The following ZC3H6 variants were observed in gnomAD, a reference collection of about 807,000 sequenced individuals.
ZC3H6 encodes the protein zinc finger CCCH-type containing 6.
ZC3H6 carries 40 observed loss-of-function variants against 107.7 expected under a neutral mutation model. The observed-to-expected ratio is 0.37, with a 90% CI of 0.29 to 0.48. The LOEUF (loss-of-function observed/expected upper bound fraction) is 0.48, where lower values mean the gene tolerates loss of function less well. Ranked by LOEUF, ZC3H6 falls within the 20% of genes least tolerant of loss-of-function variation. ZC3H6 has a pLI of 0.98. For missense variants in ZC3H6, 1,267 were observed against 1,410.4 expected, an observed-to-expected ratio of 0.90 and a Z score of 1.63; for synonymous variants, 493 against 487.9, an observed-to-expected ratio of 1.01 and a Z score of -0.14.
rs535792043 is a variant in ZC3H6 at position 112,306,616 on chromosome 2, T to A, written c.336+3265T>A. On this transcript the variant is annotated intron_variant, in intron 3 of 11. Coordinates refer to ENST00000409871, the MANE Select transcript of ZC3H6 (RefSeq NM_198581.3). ...AAATAACTTTAGGCCTAGGATGATG[T>A]TCTTTTCCTTCAGAAAGGATTTTTA... 2.6e-5 allele frequency among the ~76,000 whole-genome samples: 4 copies of A among 152,354 alleles called. No homozygotes were observed. In the East Asian group the frequency reaches 5.8e-4, roughly 22 times the overall value.
intron 1 of ZC3H6, among the ~76,000 whole-genome samples, chr2:112,289,384 G>C (rs1676049827): frequency 1.3e-5 from 2 of 150,000 alleles, no homozygotes; most frequent in Admixed American, 6.7e-5. Flanking sequence ...GAGTGCAGTG[G>C]CGCGATCTTG....
At position 112,275,932 on chromosome 2, in the gene ZC3H6, C is replaced by G; in HGVS notation, c.-63C>G. ...CGCAGGCGGCGCGGGGGGTCTTCCC[C>G]GCGCCCCGCCGCCGCCGGCCTCGCA... On this transcript the variant is annotated 5_prime_UTR_variant, in exon 1 of 12. Coordinates refer to ENST00000409871, the MANE Select transcript of ZC3H6 (RefSeq NM_198581.3). The G allele has an allele frequency of 1.4e-6, 2 of 1,469,834 alleles. No individual in the cohort carries two copies. Among genetic ancestry groups the G allele is most frequent in the African/African-American group, 1.5e-5 (1 of 67,992 alleles). 91.0% of individuals were successfully genotyped at this position (1,469,834 alleles called of 1,614,324 possible).
intron 5 of ZC3H6, among the ~76,000 whole-genome samples, chr2:112,313,349 G>T (rs1676627362): frequency 6.6e-6 from 1 of 152,146 alleles, no homozygotes; most frequent in Non-Finnish European, 1.5e-5. Context: ...AGAATATGCT[G>T]ATTTCCCTAA....
At chr2:112,329,134 T>A (rs1438403147) in intron 11 of ZC3H6, among the ~76,000 whole-genome samples, 1 of 152,160 alleles carries the variant, frequency 6.6e-6, no homozygotes, top group Non-Finnish European at 1.5e-5. Flanking sequence ...TGTTAATTTT[T>A]ATGGATTTTA....
At chr2:112,289,473 C>T (rs1011094440) in intron 1 of ZC3H6, among the ~76,000 whole-genome samples, 5 of 151,394 alleles carry the variant, frequency 3.3e-5, no homozygotes, top group Admixed American at 6.6e-5. Flanking sequence ...TACAGGCGCC[C>T]GCAACCACGC....
intron 1 of ZC3H6, among the ~76,000 whole-genome samples, chr2:112,293,901 A>T (rs1676170392): frequency 6.6e-6 from 1 of 152,238 alleles, no homozygotes; most frequent in South Asian, 2.1e-4. Context: ...AAACGGGACC[A>T]CATGATAGGT....
intron 3 of ZC3H6, among the ~76,000 whole-genome samples, chr2:112,307,238 C>T (rs1676492697): frequency 6.6e-6 from 1 of 152,106 alleles, no homozygotes; most frequent in African/African-American, 2.4e-5. Context: ...TCTACAATTA[C>T]AGGGCAAAAT....
At chr2:112,276,185 GCCGCGGGGGAGGTCGGCCCGGCCGCGC>G (rs1232145637) in intron 1 of ZC3H6, among the ~76,000 whole-genome samples, 159 bp downstream of exon 1, 3 of 147,880 alleles carry the variant, frequency 2.0e-5, no homozygotes, top group East Asian at 4.0e-4. Flanking sequence ...CTGGATCGCG[GCCGCGGGGGAGGTCGGCCCGGCCGCGC>G]CCGCCTCCCC....
At chr2:112,280,362 A>G (rs1374581285) in intron 1 of ZC3H6, among the ~76,000 whole-genome samples, 2 of 152,200 alleles carry the variant, frequency 1.3e-5, no homozygotes, top group Non-Finnish European at 2.9e-5. Flanking sequence ...CTCAGGTTTG[A>G]TGTTGTAAAG....
intron 11 of ZC3H6, among the ~76,000 whole-genome samples, chr2:112,325,520 A>G (rs1222652792): frequency 2.6e-5 from 4 of 152,134 alleles, no homozygotes; most frequent in African/African-American, 7.2e-5. Flanking sequence ...AATGTATTTC[A>G]TAGCCACTAT....
Position 112,317,910 on chromosome 2 carries a change from T to C in ZC3H6, c.976+578T>C, listed in dbSNP as rs957317660. ...CTGTCAGGTTGCTCACTACGACTTA[T>C]GACTAATGAAGCTTTCCCCCACAGA... On this transcript the variant is annotated intron_variant, in intron 7 of 11. Coordinates refer to ENST00000409871, the MANE Select transcript of ZC3H6 (RefSeq NM_198581.3). Among the ~76,000 whole-genome samples the C allele has an allele frequency of 4.6e-5, 7 of 152,218 alleles. No individual in the cohort carries two copies. In the East Asian group the frequency reaches 7.7e-4, roughly 17 times the overall value.
intron 7 of ZC3H6, 52 bp from the exon 8 acceptor site, chr2:112,321,704 A>T: frequency 8.7e-7 from 1 of 1,154,844 alleles, no homozygotes. Flanking sequence ...TTGGTTTAAA[A>T]AAAAATTAGA....
At chr2:112,276,534 C>T (rs549409047) in intron 1 of ZC3H6, among the ~76,000 whole-genome samples, 2 of 152,064 alleles carry the variant, frequency 1.3e-5, no homozygotes, top group South Asian at 2.1e-4. Flanking sequence ...CAGTCTTATC[C>T]CTTGGAATTT....
At chr2:112,277,780 GTT>G (rs35110200) in intron 1 of ZC3H6, among the ~76,000 whole-genome samples, 8 of 149,008 alleles carry the variant, frequency 5.4e-5, no homozygotes, top group African/African-American at 2.0e-4. Context: ...GAAGGAGATG[GTT>G]TTTTTTTTTC....
intron 11 of ZC3H6, among the ~76,000 whole-genome samples, chr2:112,326,340 G>A (rs560937431): frequency 5.3e-5 from 8 of 151,982 alleles, no homozygotes; most frequent in African/African-American, 1.4e-4. Context: ...CCCATTAACC[G>A]TCCCCACTTC....
intron 7 of ZC3H6, among the ~76,000 whole-genome samples, chr2:112,318,587 G>T (rs1676743768): frequency 6.6e-6 from 1 of 152,168 alleles, no homozygotes; most frequent in African/African-American, 2.4e-5. Context: ...AACATTTGCA[G>T]CTGTGTCACG....
In ZC3H6 at chr2:112,316,526, C is replaced by T; in HGVS notation, c.804C>T (p.His268=). The change falls in exon 6 of 12, where the codon CAC becomes CAT. Residue 268 remains histidine, a synonymous_variant. Transcript: ENST00000409871. ...TGACTCAGGAATTTATTAATCAGCA[C>T]ACAGTGGAACACAAAGGAAAACAAA... ...KVMTQEFINQ[H]TVEHKGKQIC... is the part of the protein sequence containing the mutation. 1 of 1,610,318 alleles carries T rather than the reference C, an allele frequency of 6.2e-7. No homozygotes were observed. Among genetic ancestry groups the T allele is most frequent in the East Asian group, 2.2e-5 (1 of 44,524 alleles).
chr2:112,299,208 C>T (rs375050224), intron 1 of ZC3H6, among the ~76,000 whole-genome samples: 115 of 149,056 alleles, frequency 7.7e-4, no homozygotes, highest in African/African-American at 2.8e-3. Flanking sequence ...ACCCGGGAGG[C>T]GGAGCTTGCA....
chr2:112,305,780 A>G (rs1002504307), intron 3 of ZC3H6, among the ~76,000 whole-genome samples: 3 of 152,098 alleles, frequency 2.0e-5, no homozygotes, highest in African/African-American at 7.2e-5. Flanking sequence ...CTCATTTTTT[A>G]TAACTTTTCA....
Sources: gnomAD v4.1 joint callset for allele counts (sites outside exome capture counted in the v4.1 genomes callset) on GRCh38, gnomAD v4.1.1 for gene constraint, MANE v1.5 for transcripts, NCBI Gene and HGNC (gene_info 2026-07-23, HGNC 2026-07-21) for gene names.